The following PTPN11 variants were observed in gnomAD, a reference collection of about 807,000 sequenced individuals.
PTPN11 encodes the protein protein tyrosine phosphatase non-receptor type 11, also known as tyrosine-protein phosphatase non-receptor type 11.
In PTPN11, 6 loss-of-function variants were observed where a neutral mutation model predicts 78.8. The observed-to-expected ratio is 0.08, with a 90% confidence interval of 0.04 to 0.15. PTPN11 has a LOEUF of 0.15. Ranked by LOEUF, PTPN11 falls within the 10% of genes least tolerant of loss-of-function variation. The probability of loss-of-function intolerance (pLI) is 1.00; values close to 1 mark genes in which losing one functional copy is unlikely to be tolerated. For synonymous variants in PTPN11, 221 were observed against 263.5 expected, an observed-to-expected ratio of 0.84 and a Z score of 1.56; for missense variants, 386 against 744.8, an observed-to-expected ratio of 0.52 and a Z score of 5.61.
At chr12:112,441,108 G>C (rs1405591435) in intron 1 of PTPN11, among the ~76,000 whole-genome samples, 2 of 151,256 alleles carry the variant, frequency 1.3e-5, no homozygotes, top group African/African-American at 4.9e-5. Flanking sequence ...GGGATTACAG[G>C]CATGCGCCAC....
chr12:112,419,146 C>T, intron 1 of PTPN11, 21 bp downstream of exon 1: 1 of 1,504,150 alleles, frequency 6.6e-7, no homozygotes. Context: ...CCGAGGGGCC[C>T]GGCGCGGGCC....
intron 1 of PTPN11, among the ~76,000 whole-genome samples, chr12:112,434,480 C>T (rs1375256149): frequency 6.6e-6 from 1 of 151,668 alleles, no homozygotes; most frequent in Non-Finnish European, 1.5e-5. Flanking sequence ...TGGTGGCGTG[C>T]ACCTGTAGTC....
chr12:112,470,632 C>T (rs2038399953), intron 6 of PTPN11, among the ~76,000 whole-genome samples: 1 of 152,182 alleles, frequency 6.6e-6, no homozygotes, highest in African/African-American at 2.4e-5. Context: ...GCTTTGGCCA[C>T]GTGTGCCCTG....
rs768927453 is a variant in PTPN11 at position 112,453,313 on chromosome 12, G to C, written c.451G>C (p.Val151Leu). ...CCACCCTGGAGATTTTGTTCTTTCT[G>C]TGCGCACTGGTGATGACAAAGGGGA... The part of the protein sequence containing the change: ...QSHPGDFVLS[V>L]RTGDDKGESN... The change falls in exon 4 of 16, where the codon GTG becomes CTG. Residue 151 changes from valine to leucine, a missense_variant. By Grantham distance (32) the Val-to-Leu change is conservative (BLOSUM62 1). Transcript: ENST00000351677. 2 of 1,614,112 alleles carry C rather than the reference G, an allele frequency of 1.2e-6. No individual in the cohort carries two copies. Among genetic ancestry groups the C allele is most frequent in the South Asian group, 1.1e-5 (1 of 91,084 alleles).
intron 11 of PTPN11, 162 bp downstream of exon 11, chr12:112,486,791 C>A: frequency 6.7e-7 from 1 of 1,490,874 alleles, no homozygotes. Flanking sequence ...GATCCCAAGG[C>A]ATATTTCTCC....
At chr12:112,492,853 T>G (rs933862711) in intron 13 of PTPN11, among the ~76,000 whole-genome samples, 2 of 152,256 alleles carry the variant, frequency 1.3e-5, no homozygotes, top group Admixed American at 1.3e-4. Context: ...TTATATTCAT[T>G]GATTAAATTC....
At chr12:112,428,712 GA>G (rs1476803897) in intron 1 of PTPN11, 5 of 152,074 alleles carry the variant, frequency 3.3e-5, no homozygotes, top group African/African-American at 1.2e-4. Context: ...GATGGTCATG[GA>G]ATAGCTATTT....
At chr12:112,426,349 T>G (rs1414899481) in intron 1 of PTPN11, among the ~76,000 whole-genome samples, 1 of 152,092 alleles carries the variant, frequency 6.6e-6, no homozygotes, top group Non-Finnish European at 1.5e-5. Context: ...TTCTGCCCCC[T>G]TGATTCACGC....
At chr12:112,442,864 AT>A (rs1566162747) in intron 1 of PTPN11, among the ~76,000 whole-genome samples, 4 of 81,506 alleles carry the variant, frequency 4.9e-5, no homozygotes, top group East Asian at 2.3e-3. Flanking sequence ...ATATATATAT[AT>A]ATATATATAT....
At chr12:112,444,870 ATCT>A (rs2037966095) in intron 1 of PTPN11, among the ~76,000 whole-genome samples, 1 of 152,048 alleles carries the variant, frequency 6.6e-6, no homozygotes, top group Non-Finnish European at 1.5e-5. Context: ...TTCCAAGTTC[ATCT>A]TCTTACTTTT....
intron 6 of PTPN11, among the ~76,000 whole-genome samples, chr12:112,465,261 G>C (rs1246363680): frequency 1.3e-5 from 2 of 151,950 alleles, no homozygotes. Flanking sequence ...GTGAAACCCT[G>C]TTTCTAGTAA....
At chr12:112,487,871 C>T (rs1314226326) in intron 11 of PTPN11, among the ~76,000 whole-genome samples, 1 of 152,126 alleles carries the variant, frequency 6.6e-6, no homozygotes, top group Non-Finnish European at 1.5e-5. Flanking sequence ...GCAACCTCTG[C>T]TTTCTGGGTT....
In PTPN11 at chr12:112,504,258, C is replaced by T. The variant is rs773064304; in HGVS notation, c.1713-437C>T. Among the ~76,000 whole-genome samples, 16 of 152,152 alleles carry T rather than the reference C, an allele frequency of 1.1e-4. No homozygotes were observed. Among genetic ancestry groups the T allele is most frequent in the African/African-American group, 2.9e-4 (12 of 41,442 alleles). ...TCGCCCAGGCTGGAGTGCAGTGGCACGATCTCTGCTCACTGCAACCTCCAT... is the reference window on the plus strand; with the variant it reads ...TCGCCCAGGCTGGAGTGCAGTGGCATGATCTCTGCTCACTGCAACCTCCAT... On this transcript the variant is annotated intron_variant, in intron 14 of 15. Coordinates refer to ENST00000351677, the MANE Select transcript of PTPN11 (RefSeq NM_002834.5). The surrounding 1 kb of genome is among the most constrained non-coding windows in gnomAD (Gnocchi z 4.7).
chr12:112,463,024 T>TAA (rs1430227099), intron 6 of PTPN11, among the ~76,000 whole-genome samples: 1 of 152,190 alleles, frequency 6.6e-6, no homozygotes, highest in South Asian at 2.1e-4. Context: ...CCTTTTAGCA[T>TAA]AACATTTGCA....
chr12:112,493,962 TA>T (rs1375290073), intron 13 of PTPN11, among the ~76,000 whole-genome samples: 12 of 152,308 alleles, frequency 7.9e-5, no homozygotes, highest in Non-Finnish European at 1.3e-4. Flanking sequence ...TTTTTAAAAC[TA>T]ATATCCATGC....
chr12:112,478,650 T>C (rs1432566336), intron 9 of PTPN11, among the ~76,000 whole-genome samples: 2 of 152,242 alleles, frequency 1.3e-5, no homozygotes, highest in African/African-American at 2.4e-5. Context: ...TTTTCATCTC[T>C]AGAAGTGTTA....
intron 12 of PTPN11, 104 bp downstream of exon 12, chr12:112,488,614 C>G (rs2038708697): frequency 3.3e-6 from 4 of 1,221,014 alleles, no homozygotes; most frequent in Non-Finnish European, 4.8e-6. Context: ...TGGGAAAATT[C>G]TTTCACAAAA....
chr12:112,491,235 G>A (rs1174856978), intron 13 of PTPN11, among the ~76,000 whole-genome samples: 1 of 150,154 alleles, frequency 6.7e-6, no homozygotes, highest in East Asian at 2.0e-4. Flanking sequence ...CAGTTCCTTG[G>A]AGGTAGACTT....
chr12:112,464,223 A>T (rs186306438), intron 6 of PTPN11, among the ~76,000 whole-genome samples: 2 of 152,346 alleles, frequency 1.3e-5, no homozygotes, highest in Non-Finnish European at 2.9e-5. Context: ...TTCAGGTATC[A>T]CTATCCAGAA....
Sources: allele counts gnomAD v4.1 joint callset (sites outside exome capture counted in the v4.1 genomes callset), GRCh38; gene constraint gnomAD v4.1.1; non-coding constraint Gnocchi (gnomAD v3.1); transcripts MANE v1.5; gene names NCBI Gene and HGNC (gene_info 2026-07-23, HGNC 2026-07-21).